The following GPC5 variants were observed in gnomAD, a reference collection of about 807,000 sequenced individuals.
The protein encoded by GPC5 is glypican-5.
In GPC5, 47 loss-of-function variants were observed where a neutral mutation model predicts 53.9. That is an observed-to-expected ratio of 0.87 (90% CI 0.69 to 1.11). The LOEUF (loss-of-function observed/expected upper bound fraction) is 1.11, where lower values mean the gene tolerates loss of function less well. GPC5 is among the 50% of genes most tolerant of loss of function. The pLI is 0.00. For missense variants in GPC5, 748 were observed against 713.1 expected (o/e 1.05, Z -0.56); for synonymous variants, 286 against 263.3 (o/e 1.09, Z -0.84).
chr13:92,245,940 T>G (rs924488900), intron 7 of GPC5, among the ~76,000 whole-genome samples: 1 of 152,070 alleles, frequency 6.6e-6, no homozygotes, highest in Non-Finnish European at 1.5e-5. Flanking sequence ...TTCTTATGAA[T>G]AGGGTGGGCC....
Position 92,851,216 on chromosome 13 carries a change from G to A in GPC5, c.1562-15066G>A, listed in dbSNP as rs1878788394. On this transcript the variant is annotated intron_variant, in intron 7 of 7. Transcript: ENST00000377067. Reference sequence around the variant, plus strand: ...CCATGATCCAATCACCTCCCACCAGGCCCCACCTCCAGCACTGGGGATTAC... The same window carrying A: ...CCATGATCCAATCACCTCCCACCAGACCCCACCTCCAGCACTGGGGATTAC... Among the ~76,000 whole-genome samples the A allele has an allele frequency of 2.0e-5, 3 of 152,094 alleles. No individual in the cohort carries two copies. The South Asian group carries it at 6.2e-4, about 31-fold the overall frequency.
intron 6 of GPC5, among the ~76,000 whole-genome samples, chr13:92,004,129 G>A (rs2040581832): frequency 6.6e-6 from 1 of 151,990 alleles, no homozygotes; most frequent in African/African-American, 2.4e-5. Context: ...TTCCCAAAGT[G>A]TTTATTCTTC....
intron 7 of GPC5, among the ~76,000 whole-genome samples, chr13:92,302,452 A>G (rs2043082222): frequency 6.6e-6 from 1 of 152,214 alleles, no homozygotes; most frequent in Admixed American, 6.5e-5. Context: ...GCTTTACAGG[A>G]AAGAATGTAG....
intron 7 of GPC5, among the ~76,000 whole-genome samples, chr13:92,295,694 T>A (rs2043029614): frequency 6.6e-6 from 1 of 152,224 alleles, no homozygotes; most frequent in Non-Finnish European, 1.5e-5. Flanking sequence ...GACAAGGCCT[T>A]TTATCATTAT....
In GPC5 at chr13:92,272,310, C is replaced by T. The variant is rs115868307; in HGVS notation, c.1561+127321C>T. Among the ~76,000 whole-genome samples the T allele has an allele frequency of 3.1e-3, 469 of 152,266 alleles. 2 individuals carry two copies. Among genetic ancestry groups the T allele is most frequent in the African/African-American group, 0.011 (446 of 41,544 alleles). ...GGGAAAGTCACATCATCATAGAACACATAGGCTGTCTGAGAGTCAGCCTAC... is the reference window on the plus strand; with the variant it reads ...GGGAAAGTCACATCATCATAGAACATATAGGCTGTCTGAGAGTCAGCCTAC... On this transcript the variant is annotated intron_variant, in intron 7 of 7. Coordinates refer to ENST00000377067, the MANE Select transcript of GPC5 (RefSeq NM_004466.6).
At chr13:91,527,881 C>T (rs1406725635) in intron 2 of GPC5, among the ~76,000 whole-genome samples, 1 of 152,172 alleles carries the variant, frequency 6.6e-6, no homozygotes. Context: ...TATGATGGCC[C>T]CTTTTAGTAA....
chr13:92,634,166 C>A (rs886583851), intron 7 of GPC5, among the ~76,000 whole-genome samples: 1 of 151,892 alleles, frequency 6.6e-6, no homozygotes, highest in Non-Finnish European at 1.5e-5. Context: ...TTATTTGGTG[C>A]TTTTTGGCAT....
intron 7 of GPC5, chr13:92,721,422 T>A (rs1390568035): frequency 6.6e-6 from 1 of 152,050 alleles, no homozygotes; most frequent in Non-Finnish European, 1.5e-5. Context: ...AAAACTGGTA[T>A]CCAAAATCCA....
At chr13:91,679,938 T>C (rs1245369697) in intron 2 of GPC5, among the ~76,000 whole-genome samples, 1 of 152,196 alleles carries the variant, frequency 6.6e-6, no homozygotes, top group Non-Finnish European at 1.5e-5. Context: ...GAATACCATT[T>C]TTTTTTCTTG....
At chr13:91,622,642 C>A (rs2033892715) in intron 2 of GPC5, among the ~76,000 whole-genome samples, 1 of 152,110 alleles carries the variant, frequency 6.6e-6, no homozygotes, top group South Asian at 2.1e-4. Flanking sequence ...TGTTGCACAG[C>A]AGTACACATG....
At chr13:92,428,317 T>C (rs1311683915) in intron 7 of GPC5, among the ~76,000 whole-genome samples, 2 of 152,090 alleles carry the variant, frequency 1.3e-5, no homozygotes, top group Admixed American at 6.6e-5. Context: ...ATCATTCAAA[T>C]TGAATTATCT....
rs1392929564 is a variant in GPC5 at position 92,584,995 on chromosome 13, G to A, written c.1562-281287G>A. ...ATGTATAAAAACGCCTGGATGCCTA[G>A]GCAAAAGTTTGCTGGTGGAGGGGGT... On this transcript the variant is annotated intron_variant, in intron 7 of 7. Coordinates refer to ENST00000377067, the MANE Select transcript of GPC5 (RefSeq NM_004466.6). Among the ~76,000 whole-genome samples the A allele has an allele frequency of 2.0e-5, 3 of 152,116 alleles. No homozygotes were observed. In the East Asian group the frequency reaches 5.8e-4, roughly 29 times the overall value.
chr13:92,378,772 C>T (rs9561028), intron 7 of GPC5, among the ~76,000 whole-genome samples: 8,757 of 152,148 alleles, frequency 0.058, 340 homozygotes, highest in Middle Eastern at 0.15. Flanking sequence ...TTTAAGCACC[C>T]TAAGCACTGG....
At chr13:91,527,241 A>G (rs1886128030) in intron 2 of GPC5, among the ~76,000 whole-genome samples, 1 of 152,228 alleles carries the variant, frequency 6.6e-6, no homozygotes, top group African/African-American at 2.4e-5. Flanking sequence ...CAAGTCAGTT[A>G]CTTCCAAGAT....
Position 91,949,081 on chromosome 13 carries a change from C to A in GPC5, c.1401+41024C>A, listed in dbSNP as rs1485903994. 3.9e-5 allele frequency among the ~76,000 whole-genome samples: 6 copies of A among 152,218 alleles called. No homozygotes were observed. The East Asian group carries it at 1.2e-3, about 29-fold the overall frequency. On this transcript the variant is annotated intron_variant, in intron 6 of 7. Coordinates refer to ENST00000377067, the MANE Select transcript of GPC5 (RefSeq NM_004466.6). ...CTTGATACTCATACATAACTCATGG[C>A]ACATATGGAAGCAACCTTCTAAATA...
chr13:91,770,704 T>TTGTGTGTGTGTGTGTG (rs71113759), intron 5 of GPC5, among the ~76,000 whole-genome samples: 7,054 of 145,564 alleles, frequency 0.048, 218 homozygotes, highest in South Asian at 0.11. Context: ...GACTGTGTGT[T>TTGTGTGTGTGTGTGTG]TGTGTGTGTG....
chr13:92,233,380 T>G (rs1405228861), intron 7 of GPC5, among the ~76,000 whole-genome samples: 1 of 152,212 alleles, frequency 6.6e-6, no homozygotes, highest in Admixed American at 6.5e-5. Flanking sequence ...GACTTAACAA[T>G]GCAAACACTA....
chr13:92,145,917 C>A (rs2041863681), intron 7 of GPC5, among the ~76,000 whole-genome samples: 1 of 152,094 alleles, frequency 6.6e-6, no homozygotes. Flanking sequence ...CTTTATAATT[C>A]TCTCATTGTG....
intron 5 of GPC5, among the ~76,000 whole-genome samples, chr13:91,827,371 T>G (rs1332012848): frequency 1.3e-5 from 2 of 151,930 alleles, no homozygotes; most frequent in Non-Finnish European, 2.9e-5. Flanking sequence ...GAAAAGACAC[T>G]TATAATATGC....
Sources: allele counts gnomAD v4.1 joint callset (sites outside exome capture counted in the v4.1 genomes callset), GRCh38; gene constraint gnomAD v4.1.1; transcripts MANE v1.5; gene names NCBI Gene and HGNC (gene_info 2026-07-23, HGNC 2026-07-21).